The following ITPR2 variants were observed in gnomAD, a reference collection of about 807,000 sequenced individuals.
ITPR2 encodes the protein inositol 1,4,5-trisphosphate-gated calcium channel ITPR2.
Under a neutral mutation model 317.1 loss-of-function variants are expected in ITPR2, and 207 were observed. That is an observed-to-expected ratio of 0.65 (90% CI 0.58 to 0.73). The LOEUF is 0.73. Among genes scored for constraint, ITPR2 ranks in the 30% least tolerant of loss-of-function variants. ITPR2 has a pLI of 0.00. For missense variants in ITPR2, 2,613 were observed against 3,284.0 expected, an observed-to-expected ratio of 0.80 and a Z score of 4.99; for synonymous variants, 1,156 against 1,149.1, an observed-to-expected ratio of 1.01 and a Z score of -0.12.
chr12:26,396,022 A>T (rs959900732), intron 54 of ITPR2, among the ~76,000 whole-genome samples: 2 of 152,184 alleles, frequency 1.3e-5, no homozygotes, highest in Admixed American at 6.5e-5. Flanking sequence ...TCATTTAAAA[A>T]TTTTTTTATG....
At chr12:26,598,827 T>C (rs542020698) in intron 30 of ITPR2, among the ~76,000 whole-genome samples, 4 of 152,318 alleles carry the variant, frequency 2.6e-5, no homozygotes, top group African/African-American at 4.8e-5. Flanking sequence ...TCTTATATCA[T>C]TGGAAACTTA....
chr12:26,404,493 G>A (rs1318522947), intron 52 of ITPR2, among the ~76,000 whole-genome samples: 1 of 152,132 alleles, frequency 6.6e-6, no homozygotes, highest in Non-Finnish European at 1.5e-5. Flanking sequence ...TTGCAGAATA[G>A]TCAAAGGCAA....
chr12:26,458,109 C>A (rs1941934208), intron 45 of ITPR2, among the ~76,000 whole-genome samples: 1 of 152,188 alleles, frequency 6.6e-6, no homozygotes, highest in African/African-American at 2.4e-5. Context: ...ATCATTTTAG[C>A]TTCCCTGTGG....
Position 26,464,188 on chromosome 12 carries a change from T to C in ITPR2, c.6342+11108A>G, listed in dbSNP as rs148089962. ...ACTGGGGCGTGGGGGGGAATGGTTT[T>C]GGGATGAATCAACCACATTATATTT... is the stretch of plus-strand genomic sequence containing the variant. On this transcript the variant is annotated intron_variant, in intron 45 of 56. Transcript: ENST00000381340. Among the ~76,000 whole-genome samples the C allele has an allele frequency of 3.4e-3, 512 of 152,280 alleles. 1 individual carries two copies. The highest frequency in any genetic ancestry group is 0.012 in the African/African-American group (487 of 41,552).
intron 49 of ITPR2, among the ~76,000 whole-genome samples, chr12:26,425,859 A>T (rs1592012393): frequency 6.6e-6 from 1 of 152,232 alleles, no homozygotes; most frequent in Non-Finnish European, 1.5e-5. Flanking sequence ...TGCCTCTTCT[A>T]TGAAGAGTCA....
chr12:26,774,175 C>T (rs929479148), intron 2 of ITPR2, among the ~76,000 whole-genome samples: 8 of 151,908 alleles, frequency 5.3e-5, no homozygotes, highest in African/African-American at 1.7e-4. Context: ...ATACTGACAC[C>T]TGTGAACTTA....
At chr12:26,753,227 C>T (rs141583271) in intron 2 of ITPR2, among the ~76,000 whole-genome samples, 2 of 152,266 alleles carry the variant, frequency 1.3e-5, no homozygotes, top group East Asian at 1.9e-4. Context: ...CCTTCTAAGA[C>T]TTAGGGGGTT....
At chr12:26,364,675 T>C (rs1241080760) in intron 55 of ITPR2, among the ~76,000 whole-genome samples, 1 of 152,216 alleles carries the variant, frequency 6.6e-6, no homozygotes, top group Non-Finnish European at 1.5e-5. Flanking sequence ...CTCATTATAA[T>C]CTGGCGTCTC....
Position 26,494,295 on chromosome 12 carries a change from G to C in ITPR2, c.5228C>G (p.Ser1743Ter). ...TTTATCCAGCAGACACTGAATGTCT[G>C]ACATTGATATCCCCATCTTATCTGA... Reference protein sequence around the residue: ...QDSDKMGISMSDIQCLLDKEG... With the variant: ...QDSDKMGISM The change falls in exon 39 of 57, where the codon TCA (serine) becomes TGA (stop). Residue 1743 changes from serine (S) to a stop codon, truncating the protein, a stop_gained. Transcript: ENST00000381340. LOFTEE classifies it high-confidence loss of function. 6.2e-7 allele frequency: 1 copy of C among 1,612,234 alleles called. No individual in the cohort carries two copies. The highest frequency in any genetic ancestry group is 8.5e-7 in the Non-Finnish European group (1 of 1,179,336).
At chr12:26,725,521 T>C (rs958062298) in intron 3 of ITPR2, 129 bp downstream of exon 3, 2 of 636,374 alleles carry the variant, frequency 3.1e-6, no homozygotes, top group Middle Eastern at 3.0e-4. Flanking sequence ...CTACTTTCAA[T>C]GTGTTGCTAT....
chr12:26,633,329 C>A (rs1317572562), intron 21 of ITPR2, among the ~76,000 whole-genome samples: 1 of 152,114 alleles, frequency 6.6e-6, no homozygotes, highest in Non-Finnish European at 1.5e-5. Context: ...AGGTAAAATG[C>A]CTTTGAAAAT....
chr12:26,790,234 G>C lies in ITPR2; in HGVS notation c.93-7C>G. ...ACATCTGTCATCCACTAACCTAGAAGGAAAAGCATGTTTACATTGTTAACA... is the reference window on the plus strand; with the variant it reads ...ACATCTGTCATCCACTAACCTAGAACGAAAAGCATGTTTACATTGTTAACA... On this transcript the variant is annotated splice_region_variant and splice_polypyrimidine_tract_variant and intron_variant, in intron 1 of 56. Transcript: ENST00000381340. 1.9e-6 allele frequency: 3 copies of C among 1,610,384 alleles called. No homozygotes were observed. The highest frequency in any genetic ancestry group is 2.5e-6 in the Non-Finnish European group (3 of 1,176,642).
At chr12:26,484,086 T>TAC (rs1272782325) in intron 41 of ITPR2, among the ~76,000 whole-genome samples, 188 bp from the exon 42 acceptor site, 2 of 151,650 alleles carry the variant, frequency 1.3e-5, no homozygotes, top group Non-Finnish European at 2.9e-5. Context: ...TATATATATA[T>TAC]ATACACACAC....
At chr12:26,484,026 G>A in intron 41 of ITPR2, 128 bp from the exon 42 acceptor site, 1 of 764,562 alleles carries the variant, frequency 1.3e-6, no homozygotes, top group Non-Finnish European at 2.1e-6. Context: ...TATTAAAACT[G>A]TCCTCCACTT....
chr12:26,772,554 A>G (rs985760164), intron 2 of ITPR2, among the ~76,000 whole-genome samples: 10 of 139,504 alleles, frequency 7.2e-5, no homozygotes, highest in African/African-American at 2.1e-4. Flanking sequence ...TATATATAAT[A>G]CATGTATTAT....
At chr12:26,369,958 A>G (rs1342232899) in intron 55 of ITPR2, among the ~76,000 whole-genome samples, 1 of 152,184 alleles carries the variant, frequency 6.6e-6, no homozygotes, top group African/African-American at 2.4e-5. Flanking sequence ...CTGGTTGGTA[A>G]ACACATCACC....
intron 22 of ITPR2, among the ~76,000 whole-genome samples, chr12:26,629,143 A>G (rs1405629389): frequency 6.6e-6 from 1 of 152,086 alleles, no homozygotes; most frequent in East Asian, 1.9e-4. Flanking sequence ...CCTGTGTCCC[A>G]TCCCTCCCTC....
intron 37 of ITPR2, among the ~76,000 whole-genome samples, chr12:26,516,300 A>G (rs796599878): frequency 0.014 from 945 of 66,828 alleles, 14 homozygotes; most frequent in African/African-American, 0.017. Flanking sequence ...AGGAAAGGAA[A>G]GGAAAGGAAA....
intron 37 of ITPR2, among the ~76,000 whole-genome samples, chr12:26,513,179 C>A (rs143588852): frequency 6.6e-6 from 1 of 152,172 alleles, no homozygotes; most frequent in East Asian, 1.9e-4. Flanking sequence ...TGAGCAGATA[C>A]CTTACTATAA....
Sources: allele counts gnomAD v4.1 joint callset (sites outside exome capture counted in the v4.1 genomes callset), GRCh38; gene constraint gnomAD v4.1.1; transcripts MANE v1.5; gene names NCBI Gene and HGNC (gene_info 2026-07-23, HGNC 2026-07-21).